Variants in TIGIT observed in about 807,000 individuals in gnomAD.
The protein encoded by TIGIT is T cell immunoreceptor with Ig and ITIM domains.
Under a neutral mutation model 19.6 loss-of-function variants are expected in TIGIT, and 11 were observed. The observed-to-expected ratio is 0.56, with a 90% CI of 0.35 to 0.93. TIGIT has a LOEUF of 0.93. Among genes scored for constraint, TIGIT ranks in the 40% least tolerant of loss-of-function variants. The pLI is 0.01. For synonymous variants in TIGIT, 130 were observed against 125.5 expected (o/e 1.04, Z -0.24); for missense variants, 295 against 303.9 (o/e 0.97, Z 0.22).
rs2078555062 is a variant in TIGIT at position 114,309,110 on chromosome 3, C to G, written c.*979C>G. ...TCTACCTTTTCTGCATCAATACACT[C>G]TTGAGCCTTTGAAAAAAGAACGTTT... On this transcript the variant is annotated 3_prime_UTR_variant, in exon 4 of 4. Coordinates refer to ENST00000383671, the MANE Select transcript of TIGIT (RefSeq NM_173799.4). The G allele has an allele frequency of 6.6e-6, 1 of 152,168 alleles. No individual in the cohort carries two copies. Among genetic ancestry groups the G allele is most frequent in the Admixed American group, 6.5e-5 (1 of 15,284 alleles). The allele number at this position is 152,168 out of a possible 1,614,324, so 9.4% of individuals were successfully genotyped here.
chr3:114,299,639 C>A lies in TIGIT; in HGVS notation c.434C>A (p.Ala145Asp), dbSNP rs201218843. The A allele has an allele frequency of 6.2e-7, 1 of 1,613,380 alleles. No homozygotes were observed. Among genetic ancestry groups the A allele is most frequent in the Non-Finnish European group, 8.5e-7 (1 of 1,179,964 alleles). The change falls in exon 3 of 4, where the codon GCC (alanine) becomes GAC (aspartate). Residue 145 changes from alanine to aspartate, a missense_variant. Coordinates refer to ENST00000383671, the MANE Select transcript of TIGIT (RefSeq NM_173799.4). ...GARFQIPLLG[A>D]MAATLVVICT... The stretch of plus-strand genomic sequence containing the variant: ...AGGTTCCAGATTCCATTGCTTGGAG[C>A]CATGGCCGCGACGCTGGTGGTCATC...
In TIGIT at chr3:114,310,046, T is replaced by C. The variant is rs1033438554; in HGVS notation, c.*1915T>C. The C allele has an allele frequency of 3.9e-5, 6 of 152,198 alleles. No individual in the cohort carries two copies. Among genetic ancestry groups the C allele is most frequent in the African/African-American group, 1.4e-4 (6 of 41,442 alleles). The allele number at this position is 152,198 out of a possible 1,614,324, so 9.4% of individuals were successfully genotyped here. A position where few individuals can be genotyped will look rare whatever the true frequency, so the allele number is the denominator to read the frequency against. ...AGAACCAGAGAAGACCATTTCATAG[T>C]TGGATTCCTGGAGACATGCGCTATC... is the stretch of plus-strand genomic sequence containing the variant. On this transcript the variant is annotated 3_prime_UTR_variant, in exon 4 of 4. Coordinates refer to ENST00000383671, the MANE Select transcript of TIGIT (RefSeq NM_173799.4).
rs536142979 is a variant in TIGIT, at chr3:114,300,967, G to T, written c.498+1264G>T. ...TGGGGGACACATTAAAACCATAGCT[G>T]TATTATAATTCGGCTTACTCTATAT... On this transcript the variant is annotated intron_variant, in intron 3 of 3. Transcript: ENST00000383671. 7.2e-5 allele frequency among the ~76,000 whole-genome samples: 11 copies of T among 152,228 alleles called. No homozygotes were observed. In the South Asian group the frequency reaches 2.1e-3, roughly 29 times the overall value.
intron 2 of TIGIT, among the ~76,000 whole-genome samples, chr3:114,298,152 C>G (rs1428689700): frequency 1.3e-5 from 2 of 152,132 alleles, no homozygotes; most frequent in Non-Finnish European, 2.9e-5. Context: ...AGAGTCTGCC[C>G]CTTCCCCACC....
intron 2 of TIGIT, among the ~76,000 whole-genome samples, chr3:114,298,975 A>T (rs530704324): frequency 1.3e-5 from 2 of 152,198 alleles, no homozygotes; most frequent in African/African-American, 2.4e-5. Context: ...CTTACATGTT[A>T]TCTCTTAATG....
chr3:114,307,229 GC>G (rs2078541182), intron 3 of TIGIT, among the ~76,000 whole-genome samples: 1 of 152,214 alleles, frequency 6.6e-6, no homozygotes, highest in Non-Finnish European at 1.5e-5. Flanking sequence ...GTCTGAGCTT[GC>G]CGTGGGTCAT....
intron 3 of TIGIT, 28 bp downstream of exon 3, chr3:114,299,731 C>G (rs2078480763): frequency 1.3e-6 from 2 of 1,501,508 alleles, no homozygotes; most frequent in Non-Finnish European, 1.8e-6. Flanking sequence ...ACACCGCAGT[C>G]ATGGGCACCC....
At chr3:114,296,124 C>A in intron 2 of TIGIT, 1 of 437,120 alleles carries the variant, frequency 2.3e-6, no homozygotes, top group South Asian at 4.1e-5. Context: ...TACTGAGAAC[C>A]ACTGTTCTTA....
At chr3:114,298,614 T>G (rs1053988938) in intron 2 of TIGIT, among the ~76,000 whole-genome samples, 4 of 152,236 alleles carry the variant, frequency 2.6e-5, no homozygotes, top group Non-Finnish European at 4.4e-5. Context: ...TGTATGGCTA[T>G]GGCTAACCAG....
In TIGIT at chr3:114,294,115, C is replaced by A; in HGVS notation, c.54C>A (p.Leu18=). Residue 18 remains leucine (L), a synonymous_variant, in exon 1 of 4, where the codon CTC becomes CTA. Transcript: ENST00000383671. ...CCCAGGGGCTGAGGCAGGCTCCCCT[C>A]GCCTCAGGTAAGGCCTGAAACCCAG... ...IWAQGLRQAP[L]ASGMMTGTIE... 1 of 1,554,004 alleles carries A rather than the reference C, an allele frequency of 6.4e-7. No homozygotes were observed. Among genetic ancestry groups the A allele is most frequent in the Non-Finnish European group, 8.7e-7 (1 of 1,147,704 alleles).
intron 3 of TIGIT, among the ~76,000 whole-genome samples, chr3:114,303,572 T>G: frequency 2.1e-4 from 1 of 4,834 alleles, no homozygotes; most frequent in African/African-American, 3.4e-4. Context: ...TACATATATA[T>G]GTATATATAT....
chr3:114,309,885 A>G lies in TIGIT; in HGVS notation c.*1754A>G, dbSNP rs1484615882. 2 of 152,220 alleles carry G rather than the reference A, an allele frequency of 1.3e-5. No individual in the cohort carries two copies. Among genetic ancestry groups the G allele is most frequent in the African/African-American group, 2.4e-5 (1 of 41,468 alleles). The allele number at this position is 152,220 out of a possible 1,614,324, so 9.4% of individuals were successfully genotyped here. ...AACATAATTATGGTAATTGGGAAAC[A>G]TTTATAAACACTATTGGGATGGTGA... On this transcript the variant is annotated 3_prime_UTR_variant, in exon 4 of 4. Coordinates refer to ENST00000383671, the MANE Select transcript of TIGIT (RefSeq NM_173799.4).
Position 114,294,109 on chromosome 3 carries a change from TC to T in TIGIT, c.52del (p.Leu18SerfsTer5). 6.4e-7 allele frequency: 1 copy of T among 1,554,290 alleles called. No homozygotes were observed. Among genetic ancestry groups the T allele is most frequent in the Non-Finnish European group, 8.7e-7 (1 of 1,147,902 alleles). ...LIWAQGLRQA[P>X]LASGMMTGTI... ...TCTGGGCCCAGGGGCTGAGGCAGGC[TC>T]CCCTCGCCTCAGGTAAGGCCTGAAA... On this transcript the variant is annotated frameshift_variant, in exon 1 of 4. Transcript: ENST00000383671. LOFTEE classifies it high-confidence loss of function.
chr3:114,302,070 T>C (rs1188619963), intron 3 of TIGIT, among the ~76,000 whole-genome samples: 1 of 152,160 alleles, frequency 6.6e-6, no homozygotes, highest in African/African-American at 2.4e-5. Context: ...GAGAGAGTTA[T>C]GTGGAGGGGT....
intron 3 of TIGIT, among the ~76,000 whole-genome samples, chr3:114,303,532 TATATATACAC>T (rs1204343320): frequency 1.7e-3 from 13 of 7,550 alleles, no homozygotes; most frequent in Admixed American, 5.6e-3. Context: ...TATATATGTA[TATATATACAC>T]ATATATATGT....
intron 3 of TIGIT, among the ~76,000 whole-genome samples, chr3:114,303,562 T>TACATATATATGTGTATATATATAC (rs2078508645): frequency 1.7e-4 from 1 of 5,950 alleles, no homozygotes; most frequent in African/African-American, 2.8e-4. Context: ...TATATATATA[T>TACATATATATGTGTATATATATAC]ACATATATAT....
intron 2 of TIGIT, among the ~76,000 whole-genome samples, chr3:114,296,719 CAGAGTGGT>C (rs1238617611): frequency 6.6e-5 from 10 of 152,094 alleles, no homozygotes. Flanking sequence ...TGGAGTTGCT[CAGAGTGGT>C]AGAGCTGATT....
intron 3 of TIGIT, 51 bp downstream of exon 3, chr3:114,299,754 C>T (rs1459285940): frequency 7.9e-7 from 1 of 1,270,400 alleles, no homozygotes; most frequent in South Asian, 1.2e-5. Flanking sequence ...ACGTCTGGCA[C>T]CCGGGTCCTT....
At chr3:114,294,158 A>G (rs2078438848) in intron 1 of TIGIT, 36 bp downstream of exon 1, 3 of 1,512,996 alleles carry the variant, frequency 2.0e-6, no homozygotes, top group Non-Finnish European at 2.7e-6. Flanking sequence ...GCAGGGAGGA[A>G]AAACAAGGCT....
Sources: gnomAD v4.1 joint callset for allele counts (sites outside exome capture counted in the v4.1 genomes callset) on GRCh38, gnomAD v4.1.1 for gene constraint, MANE v1.5 for transcripts, NCBI Gene and HGNC (gene_info 2026-07-23, HGNC 2026-07-21) for gene names.